CORO2B: variants seen among roughly 807,000 people sequenced by gnomAD.
CORO2B encodes the protein coronin 2B.
In CORO2B, 26 loss-of-function variants were observed where a neutral mutation model predicts 58.8. That is an observed-to-expected ratio of 0.44 (90% confidence interval 0.32 to 0.61). The LOEUF is 0.61. Ranked by LOEUF, CORO2B falls within the 20% of genes least tolerant of loss-of-function variation. The pLI is 0.04. For synonymous variants in CORO2B, 242 were observed against 253.8 expected, an observed-to-expected ratio of 0.95 and a Z score of 0.44; for missense variants, 460 against 645.1, an observed-to-expected ratio of 0.71 and a Z score of 3.11.
At position 68,714,671 on chromosome 15, in the gene CORO2B, G is replaced by A; in HGVS notation, c.870+8G>A. 1.2e-6 allele frequency: 2 copies of A among 1,607,712 alleles called. No homozygotes were observed. The highest frequency in any genetic ancestry group is 1.3e-5 in the African/African-American group (1 of 74,840). ...CTCTACCTGGCTGGAAAGGTAGTAG[G>A]AGGTGGGGGAGGGCCCGGGGCAGCC... On this transcript the variant is annotated splice_region_variant and intron_variant, in intron 7 of 11. Transcript: ENST00000261861.
the CORO2B span, among the ~76,000 whole-genome samples, chr15:68,543,600 A>C: frequency 6.6e-6 from 1 of 152,082 alleles, no homozygotes; most frequent in Non-Finnish European, 1.5e-5. Context: ...AGCAAGGCCA[A>C]TTTCCCAGGG....
At chr15:68,667,209 C>T (rs1902219595) in intron 2 of CORO2B, among the ~76,000 whole-genome samples, 1 of 152,164 alleles carries the variant, frequency 6.6e-6, no homozygotes, top group Non-Finnish European at 1.5e-5. Flanking sequence ...CCTGCCCTCA[C>T]CAGACCTTGA....
the CORO2B span, among the ~76,000 whole-genome samples, chr15:68,551,002 G>A: frequency 6.6e-6 from 1 of 152,070 alleles, no homozygotes; most frequent in Non-Finnish European, 1.5e-5. Context: ...TCCTCAGAGA[G>A]GTTGGGATGA....
chr15:68,559,551 A>C, the CORO2B span: 5 of 984,448 alleles, frequency 5.1e-6, no homozygotes, highest in South Asian at 1.4e-4. This position sits in a 1 kb window ranked among gnomAD's most constrained non-coding sequence, Gnocchi z 4.3. Context: ...GACCGTGCCA[A>C]GCCGGCCCGC....
chr15:68,659,479 C>T (rs1461564310), intron 2 of CORO2B, among the ~76,000 whole-genome samples: 1 of 151,932 alleles, frequency 6.6e-6, no homozygotes, highest in Non-Finnish European at 1.5e-5. Flanking sequence ...TTGGGAGGCC[C>T]AGGCAGGAAG....
chr15:68,642,604 C>T (rs771068916), intron 1 of CORO2B, among the ~76,000 whole-genome samples: 5 of 152,222 alleles, frequency 3.3e-5, no homozygotes, highest in Admixed American at 1.3e-4. Flanking sequence ...CCACGACTCA[C>T]CTAGGCTGCC....
chr15:68,717,798 G>T (rs1162749913), intron 8 of CORO2B, among the ~76,000 whole-genome samples: 1 of 152,224 alleles, frequency 6.6e-6, no homozygotes, highest in Non-Finnish European at 1.5e-5. Flanking sequence ...CAGGCTTCCA[G>T]CCCAGAGGAG....
intron 2 of CORO2B, among the ~76,000 whole-genome samples, chr15:68,689,082 C>G (rs1396754364): frequency 1.1e-4 from 16 of 150,072 alleles, no homozygotes; most frequent in Non-Finnish European, 3.0e-5. Context: ...TACACAACAG[C>G]TGCGATTCAA....
intron 2 of CORO2B, among the ~76,000 whole-genome samples, chr15:68,694,261 G>A (rs1472950324): frequency 6.6e-6 from 1 of 152,200 alleles, no homozygotes; most frequent in African/African-American, 2.4e-5. Context: ...AATAATAAGT[G>A]CTGTCATATA....
intron 1 of CORO2B, among the ~76,000 whole-genome samples, chr15:68,628,360 T>A (rs1900737479): frequency 6.6e-6 from 1 of 152,200 alleles, no homozygotes; most frequent in Non-Finnish European, 1.5e-5. Context: ...TGCCTTAGTT[T>A]CATCCCCTGT....
intron 2 of CORO2B, among the ~76,000 whole-genome samples, chr15:68,666,624 T>G (rs1902200021): frequency 6.6e-6 from 1 of 152,054 alleles, no homozygotes; most frequent in Non-Finnish European, 1.5e-5. Flanking sequence ...CTCCCCTGAA[T>G]GAGCTCTTCC....
chr15:68,627,586 C>T (rs1420423136), intron 1 of CORO2B, among the ~76,000 whole-genome samples: 1 of 152,174 alleles, frequency 6.6e-6, no homozygotes, highest in African/African-American at 2.4e-5. Flanking sequence ...ATAAGGAGCT[C>T]GTGGGAGAGG....
At chr15:68,602,666 C>T (rs923804180) in intron 1 of CORO2B, among the ~76,000 whole-genome samples, 2 of 152,082 alleles carry the variant, frequency 1.3e-5, no homozygotes, top group Non-Finnish European at 2.9e-5. Flanking sequence ...GTTTCCCTTC[C>T]GTTTATTGCC....
intron 1 of CORO2B, chr15:68,632,262 C>T: frequency 1.0e-6 from 1 of 985,480 alleles, no homozygotes; most frequent in Non-Finnish European, 1.2e-6. Context: ...AGCTGGCAGC[C>T]CTGACAACTT....
At chr15:68,561,348 C>T in the CORO2B span, among the ~76,000 whole-genome samples, 4 of 152,158 alleles carry the variant, frequency 2.6e-5, no homozygotes, top group African/African-American at 9.7e-5. Context: ...GCAGCTCACT[C>T]TCCCCGGTCC....
intron 2 of CORO2B, among the ~76,000 whole-genome samples, chr15:68,678,818 C>G (rs1270877755): frequency 6.6e-6 from 1 of 152,228 alleles, no homozygotes; most frequent in Non-Finnish European, 1.5e-5. Context: ...CAAACTCCAG[C>G]CTTCATTGCC....
intron 2 of CORO2B, among the ~76,000 whole-genome samples, chr15:68,694,811 G>A (rs78784414): frequency 1.2e-3 from 178 of 152,280 alleles, no homozygotes; most frequent in African/African-American, 4.1e-3. Context: ...ACTCCAGTGG[G>A]TAGTAACAGC....
the CORO2B span, among the ~76,000 whole-genome samples, chr15:68,530,592 T>C: frequency 6.6e-6 from 1 of 152,178 alleles, no homozygotes; most frequent in African/African-American, 2.4e-5. Flanking sequence ...TATGAATGTC[T>C]GTCCTTGCAG....
chr15:68,628,243 C>A (rs1317931694), intron 1 of CORO2B, among the ~76,000 whole-genome samples: 2 of 152,218 alleles, frequency 1.3e-5, no homozygotes, highest in Non-Finnish European at 2.9e-5. Flanking sequence ...ACAGAGAAAC[C>A]CCATAGCCCA....
Sources: gnomAD v4.1 joint callset for allele counts (sites outside exome capture counted in the v4.1 genomes callset) on GRCh38, gnomAD v4.1.1 for gene constraint, Gnocchi (gnomAD v3.1) non-coding constraint, MANE v1.5 for transcripts, NCBI Gene and HGNC (gene_info 2026-07-23, HGNC 2026-07-21) for gene names.